Variants in EXTL3 observed in about 807,000 individuals in gnomAD.
The protein encoded by EXTL3 is exostosin like glycosyltransferase 3.
EXTL3 carries 27 observed loss-of-function variants against 69.3 expected under a neutral mutation model. That is an observed-to-expected ratio of 0.39 (90% CI 0.29 to 0.54). The LOEUF (loss-of-function observed/expected upper bound fraction) is 0.54. Ranked by LOEUF, EXTL3 falls within the 20% of genes least tolerant of loss-of-function variation. The pLI, the probability that EXTL3 is intolerant of heterozygous loss-of-function variation, is 0.69. For missense variants in EXTL3, 1,003 were observed against 1,231.8 expected, an observed-to-expected ratio of 0.81 and a Z score of 2.78; for synonymous variants, 511 against 499.4, an observed-to-expected ratio of 1.02 and a Z score of -0.31.
chr8:28,608,975 C>T (rs1204549861), intron 2 of EXTL3, among the ~76,000 whole-genome samples: 2 of 152,098 alleles, frequency 1.3e-5, no homozygotes, highest in Admixed American at 1.3e-4. Flanking sequence ...AATGGCCTAA[C>T]AGTGAATGGG....
chr8:28,639,520 T>TA (rs1475042806), intron 1 of EXTL3, among the ~76,000 whole-genome samples: 2 of 152,172 alleles, frequency 1.3e-5, no homozygotes, highest in Non-Finnish European at 1.5e-5. Context: ...AACTCCGTGT[T>TA]ACGTTTTCTG....
In EXTL3 at chr8:28,717,308, G is replaced by A. The variant is rs901603547; in HGVS notation, c.1249G>A (p.Glu417Lys). The A allele has an allele frequency of 2.5e-6, 4 of 1,614,260 alleles. No individual in the cohort carries two copies. Among genetic ancestry groups the A allele is most frequent in the Admixed American group, 3.3e-5 (2 of 60,034 alleles). The change falls in exon 3 of 7, where the codon GAG becomes AAG. Residue 417 changes from glutamate (E) to lysine (K), a missense_variant. Physicochemically the swap from Glu to Lys is moderately conservative, Grantham distance 56 (BLOSUM62 1). Coordinates refer to ENST00000220562, the MANE Select transcript of EXTL3 (RefSeq NM_001440.4). This position sits in a 1 kb window ranked among gnomAD's most constrained non-coding sequence, Gnocchi z 8.3. ...SLPTEWALCGEREDRLELLKL... is the reference protein window; with the variant it reads ...SLPTEWALCGKREDRLELLKL... The stretch of plus-strand genomic sequence containing the variant: ...GCCGACTGAGTGGGCACTGTGTGGA[G>A]AGCGGGAGGACCGCTTGGAATTGCT...
rs78274027 is a variant in EXTL3 at position 28,612,738 on chromosome 8, A to G, written n.314+4980A>G. ...TTACACAAATTGACTTTTTTTTTTTAGACAGTGTCTTGCTTTGTTGCCGAG... is the reference window on the plus strand; with the variant it reads ...TTACACAAATTGACTTTTTTTTTTTGGACAGTGTCTTGCTTTGTTGCCGAG... On this transcript the variant is annotated intron_variant and non_coding_transcript_variant, in intron 2 of 4. Transcript: ENST00000522725. Among the ~76,000 whole-genome samples, 222 of 149,580 alleles carry G rather than the reference A, an allele frequency of 1.5e-3. 4 individuals carry two copies. Among genetic ancestry groups the G allele is most frequent in the African/African-American group, 5.0e-3 (200 of 40,144 alleles).
intron 1 of EXTL3, among the ~76,000 whole-genome samples, chr8:28,709,927 C>T (rs1186822469): frequency 6.6e-6 from 1 of 152,154 alleles, no homozygotes; most frequent in Non-Finnish European, 1.5e-5. Context: ...CTCAGACTCT[C>T]GAATGGAGTG....
At chr8:28,675,085 T>A (rs1267450039) in intron 1 of EXTL3, among the ~76,000 whole-genome samples, 1 of 152,110 alleles carries the variant, frequency 6.6e-6, no homozygotes, top group African/African-American at 2.4e-5. Context: ...CAGACAGAAA[T>A]TCAGGGAATG....
intron 2 of EXTL3, among the ~76,000 whole-genome samples, chr8:28,614,879 G>A (rs1044739706): frequency 5.3e-5 from 8 of 152,148 alleles, no homozygotes; most frequent in African/African-American, 1.9e-4. Context: ...GTAAATGTGT[G>A]CCATGGTGGT....
intron 2 of EXTL3, among the ~76,000 whole-genome samples, chr8:28,612,739 G>A (rs79425269): frequency 6.7e-6 from 1 of 150,078 alleles, no homozygotes; most frequent in East Asian, 2.0e-4. Context: ...TTTTTTTTTA[G>A]ACAGTGTCTT....
rs1240660899 is a variant in EXTL3, at chr8:28,754,452, C to A, written c.*3586C>A. On this transcript the variant is annotated 3_prime_UTR_variant, in exon 7 of 7. Transcript: ENST00000220562. ...TCCTCAAGTGGGGTTCACGACTGAT[C>A]AGGCAAGTTTGCAGCAGCTGATGGG... The A allele has an allele frequency of 6.6e-6, 1 of 152,358 alleles. No homozygotes were observed. The highest frequency in any genetic ancestry group is 2.4e-5 in the African/African-American group (1 of 41,442). The allele number at this position is 152,358 out of a possible 1,614,324, so 9.4% of individuals were successfully genotyped here.
At chr8:28,633,305 T>C (rs1291306532) in intron 1 of EXTL3, among the ~76,000 whole-genome samples, 1 of 152,004 alleles carries the variant, frequency 6.6e-6, no homozygotes, top group Non-Finnish European at 1.5e-5. Context: ...ACCACTGCAC[T>C]CCAGCCTAGG....
At position 28,712,297 on chromosome 8, in the gene EXTL3, C is replaced by T. The variant is rs555355242; in HGVS notation, c.-569-1160C>T. On this transcript the variant is annotated intron_variant, in intron 1 of 6. Transcript: ENST00000220562. ...GAAGCTGAGAGAGCAAGGGGAAGAG[C>T]GATGGTAACTGAGATGGGTCTGGGG... is the stretch of plus-strand genomic sequence containing the variant. 4.6e-5 allele frequency among the ~76,000 whole-genome samples: 7 copies of T among 152,162 alleles called. No homozygotes were observed. The East Asian group carries it at 7.7e-4, about 17-fold the overall frequency.
At chr8:28,743,359 CT>C (rs1295695337) in intron 6 of EXTL3, 145 bp downstream of exon 6, 2 of 1,000,668 alleles carry the variant, frequency 2.0e-6, no homozygotes, top group Non-Finnish European at 3.1e-6. Flanking sequence ...AAAGGATTGT[CT>C]GTGAGCTTAA....
intron 1 of EXTL3, 50 bp downstream of exon 1, chr8:28,701,709 A>C (rs1043979387): frequency 6.5e-6 from 1 of 153,512 alleles, no homozygotes; most frequent in African/African-American, 2.4e-5. Context: ...CCGCGCCCGG[A>C]AGGGCTCATG....
chr8:28,634,386 G>A (rs981793149), intron 1 of EXTL3, among the ~76,000 whole-genome samples: 5 of 152,012 alleles, frequency 3.3e-5, no homozygotes, highest in African/African-American at 7.2e-5. Context: ...TACTCAGGCC[G>A]TGCAGCTCGC....
At chr8:28,616,186 G>C (rs1451755003) in intron 2 of EXTL3, among the ~76,000 whole-genome samples, 1 of 152,180 alleles carries the variant, frequency 6.6e-6, no homozygotes, top group African/African-American at 2.4e-5. Flanking sequence ...ACTTTAGTTT[G>C]AATTAGTATA....
At chr8:28,700,618 C>G (rs1231722406), upstream of EXTL3, 2 of 152,124 alleles carry the variant, frequency 1.3e-5, no homozygotes, top group African/African-American at 4.8e-5. Context: ...TTGGGGTTCC[C>G]TGGCGAGGAA....
At chr8:28,679,369 C>G (rs1458311311) in intron 1 of EXTL3, among the ~76,000 whole-genome samples, 2 of 152,144 alleles carry the variant, frequency 1.3e-5, no homozygotes, top group African/African-American at 4.8e-5. Flanking sequence ...TCGCTTGAAC[C>G]TGGGAGGCAG....
chr8:28,676,686 G>A (rs912758878), intron 1 of EXTL3, among the ~76,000 whole-genome samples: 3 of 152,162 alleles, frequency 2.0e-5, no homozygotes, highest in Admixed American at 2.0e-4. Flanking sequence ...AAATGATTGA[G>A]TGCAATGAAG....
chr8:28,623,873 C>T lies in EXTL3; in HGVS notation c.-53+1063C>T, dbSNP rs1399794462. On this transcript the variant is annotated intron_variant, in intron 1 of 6. Transcript: ENST00000523149. This position sits in a 1 kb window ranked among gnomAD's most constrained non-coding sequence, Gnocchi z 4.2. ...TCGTAAAAGGCAGCAGATGGGAAAT[C>T]AGGCAAGCTTGGTTTTAAAACGTTT... Among the ~76,000 whole-genome samples, 1 of 152,212 alleles carries T rather than the reference C, an allele frequency of 6.6e-6. No individual in the cohort carries two copies. The highest frequency in any genetic ancestry group is 1.5e-5 in the Non-Finnish European group (1 of 68,038).
At chr8:28,668,885 A>G (rs1472421080) in intron 1 of EXTL3, among the ~76,000 whole-genome samples, 3 of 11,150 alleles carry the variant, frequency 2.7e-4, no homozygotes, top group Non-Finnish European at 4.6e-4. Context: ...TTTTTTTGAG[A>G]CAGAGTCTTA....
Sources: gnomAD v4.1 joint callset for allele counts (sites outside exome capture counted in the v4.1 genomes callset) on GRCh38, gnomAD v4.1.1 for gene constraint, Gnocchi (gnomAD v3.1) non-coding constraint, MANE v1.5 for transcripts, NCBI Gene and HGNC (gene_info 2026-07-23, HGNC 2026-07-21) for gene names.